The following DIP2B variants were observed in gnomAD, a reference collection of about 807,000 sequenced individuals.
DIP2B encodes the protein disco-interacting protein 2 homolog B.
Under a neutral mutation model 198.0 loss-of-function variants are expected in DIP2B, and 76 were observed. The observed-to-expected ratio is 0.38, with a 90% CI of 0.32 to 0.46. The LOEUF is 0.46. Ranked by LOEUF, DIP2B falls within the 20% of genes least tolerant of loss-of-function variation. The pLI, the probability that DIP2B is intolerant of heterozygous loss-of-function variation, is 0.99. For missense variants in DIP2B, 1,559 were observed against 1,978.4 expected, an observed-to-expected ratio of 0.79 and a Z score of 4.02; for synonymous variants, 701 against 739.1, an observed-to-expected ratio of 0.95 and a Z score of 0.84.
At chr12:50,677,952 AAGGGCAACGTGGG>A (rs1938976240) in intron 7 of DIP2B, among the ~76,000 whole-genome samples, 1 of 151,734 alleles carries the variant, frequency 6.6e-6, no homozygotes, top group Non-Finnish European at 1.5e-5. Context: ...GTGCTTTCCT[AAGGGCAACGTGGG>A]AGCACTAAGG....
chr12:50,698,201 TA>T, intron 17 of DIP2B, 126 bp from the exon 18 acceptor site: 7 of 1,208,698 alleles, frequency 5.8e-6, no homozygotes, highest in Non-Finnish European at 7.9e-6. Flanking sequence ...TAATTTGGCA[TA>T]TTTTTGGGAG....
chr12:50,721,416 A>T lies in DIP2B; in HGVS notation c.3166+20A>T. Reference sequence around the variant, plus strand: ...CACCTGGTAAGCATTGGATTGGCAGACTAGAGTTTAAGCTCCAATACTAGA... The same window carrying T: ...CACCTGGTAAGCATTGGATTGGCAGTCTAGAGTTTAAGCTCCAATACTAGA... On this transcript the variant is annotated intron_variant, in intron 26 of 37. Transcript: ENST00000301180. 3 of 1,613,434 alleles carry T rather than the reference A, an allele frequency of 1.9e-6. No homozygotes were observed. The highest frequency in any genetic ancestry group is 1.7e-6 in the Non-Finnish European group (2 of 1,179,618).
At chr12:50,517,678 C>T (rs1015846916) in intron 1 of DIP2B, among the ~76,000 whole-genome samples, 2 of 152,164 alleles carry the variant, frequency 1.3e-5, no homozygotes, top group African/African-American at 2.4e-5. Flanking sequence ...TGCCTTTTTA[C>T]CCTCATTTCC....
At chr12:50,687,095 CAA>C in intron 12 of DIP2B, among the ~76,000 whole-genome samples, 1 of 152,228 alleles carries the variant, frequency 6.6e-6, no homozygotes, top group Admixed American at 6.5e-5. Context: ...CAAGAATAAA[CAA>C]ATGGCTGGAA....
intron 1 of DIP2B, among the ~76,000 whole-genome samples, chr12:50,525,311 G>A (rs1279865567): frequency 6.8e-6 from 1 of 146,012 alleles, no homozygotes; most frequent in Non-Finnish European, 1.5e-5. Context: ...TGAGCCGAAA[G>A]CGGGCCACTG....
At chr12:50,610,539 C>G (rs1593654376) in intron 1 of DIP2B, among the ~76,000 whole-genome samples, 1 of 150,458 alleles carries the variant, frequency 6.6e-6, no homozygotes, top group Non-Finnish European at 1.5e-5. Context: ...GAGTCTTGCT[C>G]TGTACATCCA....
chr12:50,608,794 T>C (rs531641573), intron 1 of DIP2B, among the ~76,000 whole-genome samples: 1 of 152,320 alleles, frequency 6.6e-6, no homozygotes, highest in South Asian at 2.1e-4. Context: ...TATTTACTTT[T>C]GTAAGAATCC....
intron 1 of DIP2B, among the ~76,000 whole-genome samples, chr12:50,531,723 C>T (rs1043255017): frequency 1.3e-5 from 2 of 152,050 alleles, no homozygotes; most frequent in Admixed American, 1.3e-4. Flanking sequence ...CAAGCCTGGC[C>T]GTGTGAGGTG....
chr12:50,575,391 G>T (rs1163927772), intron 1 of DIP2B, among the ~76,000 whole-genome samples: 3 of 150,378 alleles, frequency 2.0e-5, no homozygotes, highest in African/African-American at 4.9e-5. Context: ...GTTTTGTTTT[G>T]TTTTTTTTTG....
intron 3 of DIP2B, among the ~76,000 whole-genome samples, chr12:50,654,467 G>A (rs1225190360): frequency 6.6e-6 from 1 of 151,500 alleles, no homozygotes; most frequent in Non-Finnish European, 1.5e-5. Flanking sequence ...TGATCCTCCT[G>A]CCTCAGCCTC....
At chr12:50,661,673 C>T (rs1938650623) in intron 4 of DIP2B, among the ~76,000 whole-genome samples, 1 of 152,200 alleles carries the variant, frequency 6.6e-6, no homozygotes, top group Non-Finnish European at 1.5e-5. Context: ...CACATTAGTA[C>T]AGCACAAGTT....
At chr12:50,552,331 A>G (rs1164974195) in intron 1 of DIP2B, among the ~76,000 whole-genome samples, 3 of 149,256 alleles carry the variant, frequency 2.0e-5, no homozygotes, top group Non-Finnish European at 4.4e-5. Flanking sequence ...GCAATGGCGT[A>G]ATCTCTGCTC....
chr12:50,511,202 G>C (rs527427211), intron 1 of DIP2B, among the ~76,000 whole-genome samples: 46 of 147,744 alleles, frequency 3.1e-4, no homozygotes, highest in Admixed American at 5.4e-4. Flanking sequence ...CTTTGTCCTC[G>C]CAAAGTGCTG....
At chr12:50,662,429 A>G (rs1223251480) in intron 4 of DIP2B, among the ~76,000 whole-genome samples, 1 of 152,250 alleles carries the variant, frequency 6.6e-6, no homozygotes, top group African/African-American at 2.4e-5. Flanking sequence ...ACACATGCCT[A>G]AGACAAATAC....
intron 1 of DIP2B, among the ~76,000 whole-genome samples, chr12:50,616,593 G>C (rs925818092): frequency 1.3e-5 from 2 of 152,092 alleles, no homozygotes; most frequent in African/African-American, 4.8e-5. Flanking sequence ...TAAATTCTTT[G>C]GAGTCCTGTT....
At chr12:50,554,502 A>G (rs181557843) in intron 1 of DIP2B, among the ~76,000 whole-genome samples, 11 of 152,180 alleles carry the variant, frequency 7.2e-5, no homozygotes, top group African/African-American at 2.4e-4. Context: ...CTGCCTCTAT[A>G]TGATCGCTCA....
chr12:50,738,552 T>C (rs1940179331), intron 35 of DIP2B, among the ~76,000 whole-genome samples: 1 of 152,166 alleles, frequency 6.6e-6, no homozygotes, highest in East Asian at 1.9e-4. Flanking sequence ...GGTGCCATCT[T>C]GGCTCCCTGC....
rs149055702 is a variant in DIP2B, at chr12:50,582,853, T to C, written c.101-43123T>C. 1.1e-4 allele frequency among the ~76,000 whole-genome samples: 17 copies of C among 152,314 alleles called. No homozygotes were observed. In the East Asian group the frequency reaches 3.3e-3, roughly 29 times the overall value. ...CTGATGGTATGCACATTTTTTTCTT[T>C]AGTTAGTTGTCTGGTTTCTTTTTAA... On this transcript the variant is annotated intron_variant, in intron 1 of 37. Transcript: ENST00000301180.
At chr12:50,661,236 C>G (rs1282098383) in intron 4 of DIP2B, among the ~76,000 whole-genome samples, 2 of 152,080 alleles carry the variant, frequency 1.3e-5, no homozygotes, top group East Asian at 3.9e-4. Flanking sequence ...TTTCTACTTT[C>G]ATGTTACTGG....
Sources: gnomAD v4.1 joint callset for allele counts (sites outside exome capture counted in the v4.1 genomes callset) on GRCh38, gnomAD v4.1.1 for gene constraint, MANE v1.5 for transcripts, NCBI Gene and HGNC (gene_info 2026-07-23, HGNC 2026-07-21) for gene names.